Variants in ADNP observed in about 807,000 individuals in gnomAD.
ADNP encodes the protein activity-dependent neuroprotector homeobox protein.
ADNP carries 4 observed loss-of-function variants against 84.9 expected under a neutral mutation model. That is an observed-to-expected ratio of 0.05 (90% CI 0.02 to 0.11). The LOEUF is 0.11. Among genes scored for constraint, ADNP ranks in the 10% least tolerant of loss-of-function variants. The pLI, the probability that ADNP is intolerant of heterozygous loss-of-function variation, is 1.00. For missense variants in ADNP, 1,132 were observed against 1,326.0 expected (o/e 0.85, Z 2.27); for synonymous variants, 554 against 468.1 (o/e 1.18, Z -2.37).
intron 2 of ADNP, among the ~76,000 whole-genome samples, chr20:50,916,177 T>C (rs1402477884): frequency 1.3e-5 from 2 of 152,220 alleles, no homozygotes; most frequent in Non-Finnish European, 2.9e-5. Context: ...TATCTAAATA[T>C]AGCATTCTTT....
At chr20:50,919,097 A>G (rs1487281564) in intron 2 of ADNP, among the ~76,000 whole-genome samples, 1 of 151,958 alleles carries the variant, frequency 6.6e-6, no homozygotes, top group Non-Finnish European at 1.5e-5. Context: ...TTATCATTAC[A>G]TATTATCTTT....
Position 50,889,665 on chromosome 20 carries a change from T to C in ADNP, c.*1740A>G, listed in dbSNP as rs1600920901. 1 of 386,274 alleles carries C rather than the reference T, an allele frequency of 2.6e-6. No individual in the cohort carries two copies. The highest frequency in any genetic ancestry group is 3.7e-5 in the East Asian group (1 of 27,346). The allele number at this position is 386,274 out of a possible 1,614,324, so 23.9% of individuals were successfully genotyped here. ...TCAGACTTCTTTAGGCCACTATCCT[T>C]GAGGTGACTGACCAGCCTCCTCATG... On this transcript the variant is annotated 3_prime_UTR_variant, in exon 6 of 6. Transcript: ENST00000621696.
In ADNP at chr20:50,893,145, A is replaced by G. The variant is rs1300779503; in HGVS notation, c.1569T>C (p.Asp523=). The G allele has an allele frequency of 3.1e-6, 5 of 1,614,270 alleles. No homozygotes were observed. Among genetic ancestry groups the G allele is most frequent in the Non-Finnish European group, 4.2e-6 (5 of 1,180,052 alleles). Residue 523 remains aspartate, a synonymous_variant, in exon 6 of 6, where the codon GAT becomes GAC. Coordinates refer to ENST00000621696, the MANE Select transcript of ADNP (RefSeq NM_001282531.3). This position sits in a 1 kb window ranked among gnomAD's most constrained non-coding sequence, Gnocchi z 4.4. The part of the protein sequence containing the change: ...SCPYCRSTFN[D]VEKMAAHMRM... Reference sequence around the variant, plus strand: ...GCATGTGTGCGGCCATCTTTTCCACATCATTGAAAGTTGAACGGCAATATG... The same window carrying G: ...GCATGTGTGCGGCCATCTTTTCCACGTCATTGAAAGTTGAACGGCAATATG...
At chr20:50,910,616 G>A (rs1022768930) in intron 2 of ADNP, among the ~76,000 whole-genome samples, 2 of 152,074 alleles carry the variant, frequency 1.3e-5, no homozygotes, top group South Asian at 2.1e-4. Context: ...TAGCTTTTTG[G>A]TAAGCACATG....
chr20:50,911,496 ATTTCT>A (rs1308288073), intron 2 of ADNP, among the ~76,000 whole-genome samples: 52 of 149,852 alleles, frequency 3.5e-4, no homozygotes, highest in Admixed American at 6.6e-4. Context: ...TAAAACCCAG[ATTTCT>A]TTTCTTTTCT....
chr20:50,929,625 C>T (rs1000406225), intron 1 of ADNP, among the ~76,000 whole-genome samples: 23 of 152,142 alleles, frequency 1.5e-4, no homozygotes, highest in Non-Finnish European at 3.1e-4. Context: ...GGCTGCGGTG[C>T]ATTTTGGGTG....
Position 50,891,873 on chromosome 20 carries a change from T to C in ADNP, c.2841A>G (p.Lys947=), listed in dbSNP as rs771978437. 3 of 1,614,216 alleles carry C rather than the reference T, an allele frequency of 1.9e-6. No homozygotes were observed. The South Asian group carries it at 3.3e-5, about 18-fold the overall frequency. Residue 947 remains lysine (K), a synonymous_variant, in exon 6 of 6, where the codon AAA becomes AAG. Coordinates refer to ENST00000621696, the MANE Select transcript of ADNP (RefSeq NM_001282531.3). ...ETIHLTEEPT[K]LMHNASDSEV... is the part of the protein sequence containing the mutation. ...CACTATCAGATGCATTGTGCATTAG[T>C]TTGGTTGGTTCCTCAGTCAAATGAA... is the stretch of plus-strand genomic sequence containing the variant.
In ADNP at chr20:50,892,954, G is replaced by A; in HGVS notation, c.1760C>T (p.Pro587Leu). The change falls in exon 6 of 6, where the codon CCT becomes CTT. Residue 587 changes from proline (P) to leucine (L), a missense_variant. By Grantham distance (98) the Pro-to-Leu change is moderately conservative. Coordinates refer to ENST00000621696, the MANE Select transcript of ADNP (RefSeq NM_001282531.3). The stretch of plus-strand genomic sequence containing the variant: ...TGGCTGTGGCTTTGGAGGAACTGGA[G>A]GATTATTTTGGGCATGGTAAGCAAC... Reference protein sequence around the residue: ...ESVAYHAQNNPPVPPKPQPKV... With the variant: ...ESVAYHAQNNLPVPPKPQPKV... 1.2e-6 allele frequency: 2 copies of A among 1,614,206 alleles called. No homozygotes were observed. Among genetic ancestry groups the A allele is most frequent in the South Asian group, 1.1e-5 (1 of 91,082 alleles).
At chr20:50,914,617 T>C (rs188168290) in intron 2 of ADNP, among the ~76,000 whole-genome samples, 11 of 152,346 alleles carry the variant, frequency 7.2e-5, no homozygotes, top group Admixed American at 5.9e-4. Context: ...TTGTCACATA[T>C]TCTTGTATAC....
At chr20:50,911,947 G>T (rs1983078776) in intron 2 of ADNP, among the ~76,000 whole-genome samples, 1 of 151,892 alleles carries the variant, frequency 6.6e-6, no homozygotes, top group Non-Finnish European at 1.5e-5. Flanking sequence ...TCAACTGCAG[G>T]TGTAAACTTT....
In ADNP at chr20:50,892,561, G is replaced by A; in HGVS notation, c.2153C>T (p.Thr718Ile). 6.2e-7 allele frequency: 1 copy of A among 1,614,204 alleles called. No homozygotes were observed. The highest frequency in any genetic ancestry group is 8.5e-7 in the Non-Finnish European group (1 of 1,180,044). ...QSPSLAPVKR[T>I]YEQMEFPLLK... is the part of the protein sequence containing the mutation. Reference sequence around the variant, plus strand: ...TAAGGGAAATTCCATTTGCTCGTAAGTGCGCTTCACAGGTGCCAGACTTGG... The same window carrying A: ...TAAGGGAAATTCCATTTGCTCGTAAATGCGCTTCACAGGTGCCAGACTTGG... Residue 718 changes from threonine (T) to isoleucine (I), a missense_variant, in exon 6 of 6, where the codon ACT (threonine) becomes ATT (isoleucine). Physicochemically the swap from Thr to Ile is moderately conservative, Grantham distance 89. This residue lies in a region of ADNP where 101 missense variants were observed against 78.5 expected (regional missense o/e 1.29). Coordinates refer to ENST00000621696, the MANE Select transcript of ADNP (RefSeq NM_001282531.3).
At chr20:50,914,256 C>CAG (rs1390918924) in intron 2 of ADNP, 1 of 711,858 alleles carries the variant, frequency 1.4e-6, no homozygotes, top group East Asian at 2.5e-5. Flanking sequence ...CTCCTCCACA[C>CAG]TTAGTCTGTG....
At position 50,893,461 on chromosome 20, in the gene ADNP, G is replaced by A; in HGVS notation, c.1253C>T (p.Ser418Phe). Residue 418 changes from serine (S) to phenylalanine (F), a missense_variant, in exon 6 of 6, where the codon TCC becomes TTC. Transcript: ENST00000621696. The surrounding 1 kb of genome is among the most constrained non-coding windows in gnomAD (Gnocchi z 4.4). ...GGAACTGGACTGACCTAACACTCTG[G>A]ATGCCTGTGACTGAGAGAGGGAAGG... is the stretch of plus-strand genomic sequence containing the variant. ...KSPSLSQSQA[S>F]RVLGQSSSKP... The A allele has an allele frequency of 1.2e-6, 2 of 1,614,074 alleles. No individual in the cohort carries two copies. Among genetic ancestry groups the A allele is most frequent in the Non-Finnish European group, 1.7e-6 (2 of 1,180,036 alleles).
chr20:50,915,742 TCTTTC>T (rs575518897), intron 2 of ADNP, among the ~76,000 whole-genome samples: 2 of 152,326 alleles, frequency 1.3e-5, no homozygotes, highest in South Asian at 4.1e-4. Flanking sequence ...TTTAGTATCC[TCTTTC>T]CTTAAGTTTA....
intron 5 of ADNP, among the ~76,000 whole-genome samples, chr20:50,894,871 T>A (rs376428137): frequency 1.3e-5 from 2 of 152,182 alleles, no homozygotes; most frequent in East Asian, 1.9e-4. Flanking sequence ...CACTCCAGCC[T>A]GGGCGACAAG....
chr20:50,908,932 A>G (rs1982761221), intron 2 of ADNP, among the ~76,000 whole-genome samples: 1 of 147,270 alleles, frequency 6.8e-6, no homozygotes, highest in African/African-American at 2.4e-5. Flanking sequence ...AAAGAGAGCT[A>G]AAAACTAAAA....
chr20:50,917,109 T>C (rs1298732683), intron 2 of ADNP, among the ~76,000 whole-genome samples: 2 of 152,306 alleles, frequency 1.3e-5, no homozygotes, highest in Non-Finnish European at 2.9e-5. Context: ...CCTCCAGACC[T>C]GAGATGCAGC....
intron 5 of ADNP, among the ~76,000 whole-genome samples, chr20:50,899,393 TAG>T (rs1981733358): frequency 6.6e-6 from 1 of 151,968 alleles, no homozygotes; most frequent in East Asian, 1.9e-4. Context: ...GTATTTTTAG[TAG>T]AGAGGGGGTT....
At chr20:50,904,500 G>C (rs1294070297) in intron 3 of ADNP, 1 of 153,510 alleles carries the variant, frequency 6.5e-6, no homozygotes, top group African/African-American at 2.4e-5. Flanking sequence ...TTATAGGCGT[G>C]AGCCACTGAG....
Sources: gnomAD v4.1 joint callset for allele counts (sites outside exome capture counted in the v4.1 genomes callset) on GRCh38, gnomAD v4.1.1 for gene constraint, gnomAD v4.1.1 regional missense constraint, Gnocchi (gnomAD v3.1) non-coding constraint, MANE v1.5 for transcripts, NCBI Gene and HGNC (gene_info 2026-07-23, HGNC 2026-07-21) for gene names.